Variants in ABCC4 observed in about 807,000 individuals in gnomAD.
ABCC4 encodes the protein ATP-binding cassette sub-family C member 4.
A neutral mutation model predicts 168.5 loss-of-function variants in ABCC4; 102 were observed. That is an observed-to-expected ratio of 0.61 (90% CI 0.52 to 0.71). The LOEUF (loss-of-function observed/expected upper bound fraction) is 0.71. Ranked by LOEUF, ABCC4 falls within the 30% of genes least tolerant of loss-of-function variation. The probability of loss-of-function intolerance (pLI) is 0.00; values close to 1 mark genes in which losing one functional copy is unlikely to be tolerated. For missense variants in ABCC4, 1,402 were observed against 1,605.8 expected, an observed-to-expected ratio of 0.87 and a Z score of 2.17; for synonymous variants, 617 against 590.7, an observed-to-expected ratio of 1.04 and a Z score of -0.65.
At chr13:95,272,905 A>AAAAAT (rs201187127) in intron 1 of ABCC4, among the ~76,000 whole-genome samples, 1,914 of 150,380 alleles carry the variant, frequency 0.013, 35 homozygotes, top group African/African-American at 0.043. Context: ...AAAAAAATAA[A>AAAAAT]AAAATAAAAT....
intron 30 of ABCC4, among the ~76,000 whole-genome samples, chr13:95,029,018 A>AT (rs1057054009): frequency 6.6e-6 from 1 of 151,794 alleles, no homozygotes; most frequent in African/African-American, 2.4e-5. Flanking sequence ...ATACAAAAAA[A>AT]TTAGCCAGGC....
At chr13:95,152,011 C>T (rs1000119681) in intron 19 of ABCC4, among the ~76,000 whole-genome samples, 8 of 152,154 alleles carry the variant, frequency 5.3e-5, no homozygotes, top group African/African-American at 1.2e-4. Context: ...CAGTACCAGA[C>T]GCTTAACCCA....
chr13:95,116,644 A>G (rs2035389033), intron 19 of ABCC4, among the ~76,000 whole-genome samples: 1 of 152,218 alleles, frequency 6.6e-6, no homozygotes, highest in Non-Finnish European at 1.5e-5. Flanking sequence ...AAACAGAAAT[A>G]TTATTTAATG....
Position 95,276,944 on chromosome 13 carries a change from G to A in ABCC4, c.74+24297C>T, listed in dbSNP as rs145970442. Among the ~76,000 whole-genome samples, 753 of 151,970 alleles carry A rather than the reference G, an allele frequency of 5.0e-3. 1 individual carries two copies. Among genetic ancestry groups the A allele is most frequent in the Non-Finnish European group, 7.3e-3 (497 of 67,946 alleles). ...TGAGGCAGGAGAATCGCTTGAATCCGGGAGGCAAAAGTTGGAGTTAGCCGA... is the reference window on the plus strand; with the variant it reads ...TGAGGCAGGAGAATCGCTTGAATCCAGGAGGCAAAAGTTGGAGTTAGCCGA... On this transcript the variant is annotated intron_variant, in intron 1 of 30. Transcript: ENST00000645237.
At chr13:95,292,152 G>C (rs2041419602) in intron 1 of ABCC4, among the ~76,000 whole-genome samples, 1 of 152,110 alleles carries the variant, frequency 6.6e-6, no homozygotes, top group South Asian at 2.1e-4. Flanking sequence ...GAGCCCAGGA[G>C]TTCAATACCA....
intron 4 of ABCC4, among the ~76,000 whole-genome samples, chr13:95,212,569 T>C (rs2038991760): frequency 6.6e-6 from 1 of 152,120 alleles, no homozygotes; most frequent in African/African-American, 2.4e-5. Context: ...ACAATGAGGA[T>C]TTAGGTAAGA....
In ABCC4 at chr13:95,217,464, G is replaced by C. The variant is rs191835940; in HGVS notation, c.532-6683C>G. 1.1e-3 allele frequency among the ~76,000 whole-genome samples: 170 copies of C among 152,270 alleles called. 1 individual carries two copies. The highest frequency in any genetic ancestry group is 3.9e-3 in the African/African-American group (163 of 41,560). On this transcript the variant is annotated intron_variant, in intron 4 of 30. Transcript: ENST00000645237. ...ACAGAAGATGCGGCTGGGCACGGTGGCTCATGCCTGTAATCCTAGCACTTT... is the reference window on the plus strand; with the variant it reads ...ACAGAAGATGCGGCTGGGCACGGTGCCTCATGCCTGTAATCCTAGCACTTT...
At chr13:95,149,680 C>T (rs148358967) in intron 19 of ABCC4, among the ~76,000 whole-genome samples, 1 of 152,228 alleles carries the variant, frequency 6.6e-6, no homozygotes, top group Non-Finnish European at 1.5e-5. Flanking sequence ...CTGATCAAGG[C>T]GTGTGGAATT....
Position 95,188,450 on chromosome 13 carries a change from C to A in ABCC4, c.1353+3G>T. 1 of 1,614,108 alleles carries A rather than the reference C, an allele frequency of 6.2e-7. No homozygotes were observed. Among genetic ancestry groups the A allele is most frequent in the South Asian group, 1.1e-5 (1 of 91,078 alleles). Reference sequence around the variant, plus strand: ...CAAGCTGCCAAAAGCCATTCTAACTCACCTTCCCTGCTCCCACGGGGCCGA... The same window carrying A: ...CAAGCTGCCAAAAGCCATTCTAACTAACCTTCCCTGCTCCCACGGGGCCGA... On this transcript the variant is annotated splice_donor_region_variant and intron_variant, in intron 10 of 30. Coordinates refer to ENST00000645237, the MANE Select transcript of ABCC4 (RefSeq NM_005845.5).
intron 20 of ABCC4, chr13:95,096,037 T>C (rs974272153): frequency 4.6e-5 from 19 of 415,182 alleles, no homozygotes; most frequent in African/African-American, 3.3e-4. Context: ...TAAACAAAAA[T>C]TGAATATCAA....
At chr13:95,148,591 AACACAC>A (rs55998383) in intron 19 of ABCC4, among the ~76,000 whole-genome samples, 14,535 of 129,654 alleles carry the variant, frequency 0.11, 812 homozygotes, top group African/African-American at 0.14. Flanking sequence ...TACCCATCAC[AACACAC>A]ACACACACAC....
At chr13:95,110,803 A>C (rs1389111786) in intron 20 of ABCC4, among the ~76,000 whole-genome samples, 1 of 151,884 alleles carries the variant, frequency 6.6e-6, no homozygotes, top group Non-Finnish European at 1.5e-5. Flanking sequence ...CCCCATCTCT[A>C]CTAAAAATAC....
intron 25 of ABCC4, among the ~76,000 whole-genome samples, chr13:95,063,173 CT>C (rs2033368508): frequency 6.6e-6 from 1 of 152,282 alleles, no homozygotes; most frequent in South Asian, 2.1e-4. Flanking sequence ...AAAACTGCCC[CT>C]GGTTGAGATC....
chr13:95,154,421 A>G (rs150279195), intron 19 of ABCC4, among the ~76,000 whole-genome samples: 149 of 152,360 alleles, frequency 9.8e-4, no homozygotes, highest in African/African-American at 2.7e-3. Flanking sequence ...TCAATTTCTT[A>G]CAGCTCATCT....
chr13:95,137,268 G>A (rs185387852), intron 19 of ABCC4, among the ~76,000 whole-genome samples: 4 of 152,286 alleles, frequency 2.6e-5, no homozygotes, highest in Admixed American at 1.3e-4. Context: ...GGAAGGCCAC[G>A]TGTATTGAGA....
intron 24 of ABCC4, 93 bp from the exon 25 acceptor site, chr13:95,071,946 A>G (rs527742568): frequency 2.9e-6 from 3 of 1,047,204 alleles, no homozygotes; most frequent in Non-Finnish European, 3.9e-6. Context: ...TCTTTCATAC[A>G]TAGTTGGTTA....
intron 26 of ABCC4, chr13:95,055,490 T>G (rs145717961): frequency 1.3e-5 from 2 of 152,178 alleles, no homozygotes; most frequent in Non-Finnish European, 2.9e-5. Flanking sequence ...ATCAAACCTG[T>G]TTTTCATTAG....
chr13:95,225,345 T>C lies in ABCC4; in HGVS notation c.531+9265A>G, dbSNP rs115466629. 1.2e-3 allele frequency among the ~76,000 whole-genome samples: 177 copies of C among 152,318 alleles called. 1 individual carries two copies. The highest frequency in any genetic ancestry group is 4.1e-3 in the African/African-American group (172 of 41,576). The stretch of plus-strand genomic sequence containing the variant: ...TACAAAAATCAATTGTATTTCTATA[T>C]ACTAACAACAAACGGTAAGTGAAAA... On this transcript the variant is annotated intron_variant, in intron 4 of 30. Transcript: ENST00000645237.
intron 1 of ABCC4, among the ~76,000 whole-genome samples, chr13:95,285,336 A>G (rs567356353): frequency 9.2e-5 from 14 of 152,110 alleles, no homozygotes; most frequent in Non-Finnish European, 1.6e-4. Flanking sequence ...GGATCACTTG[A>G]GGACAGGAGT....
Sources: gnomAD v4.1 joint callset for allele counts (sites outside exome capture counted in the v4.1 genomes callset) on GRCh38, gnomAD v4.1.1 for gene constraint, MANE v1.5 for transcripts, NCBI Gene and HGNC (gene_info 2026-07-23, HGNC 2026-07-21) for gene names.